The following R3HCC1L variants were observed in gnomAD, a reference collection of about 807,000 sequenced individuals.
R3HCC1L encodes the protein coiled-coil domain-containing protein R3HCC1L.
Under a neutral mutation model 59.9 loss-of-function variants are expected in R3HCC1L, and 51 were observed. The ratio of observed to expected loss-of-function variants is 0.85; its 90% CI spans 0.68 to 1.07. The LOEUF (loss-of-function observed/expected upper bound fraction) is 1.07. Among genes scored for constraint, R3HCC1L ranks in the 50% least tolerant of loss-of-function variants. The pLI, the probability that R3HCC1L is intolerant of heterozygous loss-of-function variation, is 0.00. For synonymous variants in R3HCC1L, 322 were observed against 315.2 expected (o/e 1.02, Z -0.23); for missense variants, 965 against 933.0 (o/e 1.03, Z -0.45).
intron 1 of R3HCC1L, 145 bp from the exon 2 acceptor site, chr10:98,155,948 A>G (rs1363925976): frequency 6.6e-6 from 1 of 151,960 alleles, no homozygotes; most frequent in South Asian, 2.1e-4. Flanking sequence ...TTAATGTTAT[A>G]TTTACATTAC....
At position 98,208,105 on chromosome 10, in the gene R3HCC1L, TG is replaced by T; in HGVS notation, c.-8del. On this transcript the variant is annotated 5_prime_UTR_variant, in exon 5 of 10. Coordinates refer to ENST00000298999, the MANE Select transcript of R3HCC1L (RefSeq NM_001351015.2). ...TAAATCATTCTTCTCTTGCAGATTG[TG>T]GTGGTGCCATGCAGCAAGAATCAGA... 6.3e-7 allele frequency: 1 copy of T among 1,596,940 alleles called. No homozygotes were observed. The highest frequency in any genetic ancestry group is 8.5e-7 in the Non-Finnish European group (1 of 1,173,024).
chr10:98,223,262 T>C (rs542114548), intron 5 of R3HCC1L, among the ~76,000 whole-genome samples: 277 of 152,226 alleles, frequency 1.8e-3, no homozygotes, highest in Non-Finnish European at 3.6e-3. Context: ...ACCAATATCC[T>C]TGATGAACAT....
At chr10:98,180,964 C>T (rs964325385) in intron 4 of R3HCC1L, among the ~76,000 whole-genome samples, 1 of 152,126 alleles carries the variant, frequency 6.6e-6, no homozygotes, top group Non-Finnish European at 1.5e-5. Context: ...AGTTGGGTCT[C>T]CTGAATACAG....
At chr10:98,147,374 TTTGA>T (rs757105533) in intron 1 of R3HCC1L, among the ~76,000 whole-genome samples, 1 of 152,158 alleles carries the variant, frequency 6.6e-6, no homozygotes, top group Non-Finnish European at 1.5e-5. Context: ...ATCTCTTTAC[TTTGA>T]TTGTTTCCTT....
intron 6 of R3HCC1L, among the ~76,000 whole-genome samples, chr10:98,233,937 G>T (rs1198768783): frequency 6.6e-6 from 1 of 151,714 alleles, no homozygotes; most frequent in Non-Finnish European, 1.5e-5. Context: ...CCCGTTACTT[G>T]ACTTTTTTAA....
intron 5 of R3HCC1L, among the ~76,000 whole-genome samples, chr10:98,224,935 G>A (rs995139658): frequency 3.9e-5 from 6 of 152,096 alleles, no homozygotes; most frequent in African/African-American, 9.7e-5. Flanking sequence ...CCACATGTAT[G>A]GTTTTGCATT....
intron 9 of R3HCC1L, among the ~76,000 whole-genome samples, chr10:98,237,610 C>T (rs1032326188): frequency 5.9e-5 from 9 of 152,136 alleles, no homozygotes; most frequent in Non-Finnish European, 1.0e-4. Flanking sequence ...GTTGACTAAG[C>T]GGGTACTCTA....
intron 5 of R3HCC1L, 79 bp from the exon 6 acceptor site, chr10:98,231,433 G>A (rs1856376033): frequency 3.1e-6 from 4 of 1,310,526 alleles, no homozygotes; most frequent in Non-Finnish European, 4.3e-6. Flanking sequence ...AAGGGAGGAG[G>A]ATTGTTTATA....
intron 4 of R3HCC1L, among the ~76,000 whole-genome samples, chr10:98,183,559 T>C (rs1034941838): frequency 1.3e-5 from 2 of 152,202 alleles, no homozygotes; most frequent in Admixed American, 1.3e-4. Flanking sequence ...TTCTGTCTTA[T>C]TGTCTCTCTT....
chr10:98,169,801 A>C (rs1211611179), intron 4 of R3HCC1L, among the ~76,000 whole-genome samples: 1 of 152,210 alleles, frequency 6.6e-6, no homozygotes, highest in Non-Finnish European at 1.5e-5. Flanking sequence ...AATGCAAATA[A>C]ATCAGCCTTT....
At chr10:98,194,000 A>C (rs1194469564) in intron 4 of R3HCC1L, among the ~76,000 whole-genome samples, 4 of 152,138 alleles carry the variant, frequency 2.6e-5, no homozygotes, top group African/African-American at 7.2e-5. Context: ...ATTCATATGG[A>C]ATCTCAAAGG....
intron 1 of R3HCC1L, among the ~76,000 whole-genome samples, chr10:98,136,995 G>A (rs143402234): frequency 6.6e-6 from 1 of 152,152 alleles, no homozygotes; most frequent in Non-Finnish European, 1.5e-5. Context: ...CAGATCACGA[G>A]GTCAGGAGGT....
In R3HCC1L at chr10:98,136,376, A is replaced by C. The variant is rs184808457; in HGVS notation, c.-268+1670A>C. Among the ~76,000 whole-genome samples, 1,213 of 152,220 alleles carry C rather than the reference A, an allele frequency of 8.0e-3. 13 individuals carry two copies. The highest frequency in any genetic ancestry group is 0.01 in the Non-Finnish European group (683 of 68,000). The stretch of plus-strand genomic sequence containing the variant: ...ACAGGTTGGAGTATCCTTATCTGAA[A>C]TGCTTGGTACCAGAGTGTTTCAAAT... On this transcript the variant is annotated intron_variant, in intron 1 of 9. Coordinates refer to ENST00000298999, the MANE Select transcript of R3HCC1L (RefSeq NM_001351015.2).
rs559099272 is a variant in R3HCC1L at position 98,166,946 on chromosome 10, T to G, written c.-15+3549T>G. 3.3e-5 allele frequency among the ~76,000 whole-genome samples: 5 copies of G among 152,290 alleles called. No individual in the cohort carries two copies. The East Asian group carries it at 9.7e-4, about 29-fold the overall frequency. ...TCCCAAAGTGCTGGGATTACAGGCG[T>G]GAGCCACCGCGCCTGACCCCTACTT... On this transcript the variant is annotated intron_variant, in intron 4 of 9. Coordinates refer to ENST00000298999, the MANE Select transcript of R3HCC1L (RefSeq NM_001351015.2).
At chr10:98,220,034 T>C (rs1401690267) in intron 5 of R3HCC1L, among the ~76,000 whole-genome samples, 1 of 152,224 alleles carries the variant, frequency 6.6e-6, no homozygotes, top group African/African-American at 2.4e-5. Context: ...CACTTTGTGA[T>C]GTCCCTCATT....
intron 1 of R3HCC1L, among the ~76,000 whole-genome samples, chr10:98,151,618 A>G (rs887316461): frequency 2.6e-5 from 4 of 152,226 alleles, no homozygotes; most frequent in East Asian, 3.8e-4. Flanking sequence ...TTGGAGCTCA[A>G]TAGATGAGAC....
intron 5 of R3HCC1L, among the ~76,000 whole-genome samples, chr10:98,223,332 TTA>T (rs1190759703): frequency 1.3e-5 from 2 of 152,144 alleles, no homozygotes; most frequent in African/African-American, 4.8e-5. Context: ...ATCAAAAAGC[TTA>T]TCCACCATGA....
chr10:98,236,286 A>T (rs1856951925), intron 9 of R3HCC1L, 122 bp downstream of exon 9: 1 of 1,283,142 alleles, frequency 7.8e-7, no homozygotes, highest in African/African-American at 1.5e-5. Context: ...GAAGCCTCCT[A>T]AGTGTATAGA....
chr10:98,184,902 T>C (rs897005116), intron 4 of R3HCC1L, among the ~76,000 whole-genome samples: 2 of 152,188 alleles, frequency 1.3e-5, no homozygotes, highest in African/African-American at 4.8e-5. Context: ...GTGTTTACTA[T>C]AGGTAAAGTA....
Sources: allele counts gnomAD v4.1 joint callset (sites outside exome capture counted in the v4.1 genomes callset), GRCh38; gene constraint gnomAD v4.1.1; transcripts MANE v1.5; gene names NCBI Gene and HGNC (gene_info 2026-07-23, HGNC 2026-07-21).